Variants in CMC1 observed in about 807,000 individuals in gnomAD.
CMC1 encodes COX assembly mitochondrial protein homolog.
CMC1 carries 14 observed loss-of-function variants against 14.1 expected under a neutral mutation model. The observed-to-expected ratio is 0.99, with a 90% CI of 0.66 to 1.55. The LOEUF (loss-of-function observed/expected upper bound fraction) is 1.55, where lower values mean the gene tolerates loss of function less well. Ranked by LOEUF, CMC1 falls within the 40% of genes most tolerant of loss-of-function variation. CMC1 has a pLI of 0.00. For missense variants in CMC1, 127 were observed against 123.8 expected (o/e 1.03, Z -0.12); for synonymous variants, 50 against 38.4 (o/e 1.30, Z -1.12).
chr3:28,256,529 G>A (rs1199841492), intron 1 of CMC1, among the ~76,000 whole-genome samples: 1 of 152,114 alleles, frequency 6.6e-6, no homozygotes, highest in African/African-American at 2.4e-5. Flanking sequence ...TAACCCAGCC[G>A]AACTGACACA....
intron 2 of CMC1, among the ~76,000 whole-genome samples, chr3:28,290,837 A>G (rs1188460052): frequency 6.6e-6 from 1 of 151,950 alleles, no homozygotes; most frequent in Non-Finnish European, 1.5e-5. Context: ...AAGAGCACAT[A>G]TTTATTAATC....
chr3:28,274,210 TTGTTTTTTTC>T (rs969483846), intron 2 of CMC1, among the ~76,000 whole-genome samples: 4 of 130,184 alleles, frequency 3.1e-5, no homozygotes, highest in East Asian at 2.4e-4. Context: ...TAAAGTGTTT[TTGTTTTTTTC>T]TTTTTTTTTT....
chr3:28,276,395 T>A (rs529409292), intron 2 of CMC1, among the ~76,000 whole-genome samples: 1 of 152,318 alleles, frequency 6.6e-6, no homozygotes, highest in African/African-American at 2.4e-5. Flanking sequence ...ATGTGAAGAA[T>A]TACGTATCTT....
chr3:28,276,182 C>A (rs1018640015), intron 2 of CMC1, among the ~76,000 whole-genome samples: 1 of 152,120 alleles, frequency 6.6e-6, no homozygotes, highest in Non-Finnish European at 1.5e-5. Flanking sequence ...TTGCCCTTTT[C>A]ATTCTTGGTG....
chr3:28,286,947 A>C (rs1353004990), intron 2 of CMC1, among the ~76,000 whole-genome samples: 3 of 152,216 alleles, frequency 2.0e-5, no homozygotes, highest in African/African-American at 7.2e-5. Context: ...AAAGAGAAGA[A>C]TATATCCCAG....
intron 1 of CMC1, among the ~76,000 whole-genome samples, chr3:28,256,222 T>C (rs776783550): frequency 3.3e-5 from 5 of 151,966 alleles, no homozygotes; most frequent in African/African-American, 4.8e-5. Flanking sequence ...TATATATGTA[T>C]ACGTGTCAAG....
At chr3:28,297,550 T>C (rs1400981899) in intron 2 of CMC1, among the ~76,000 whole-genome samples, 2 of 152,036 alleles carry the variant, frequency 1.3e-5, no homozygotes, top group African/African-American at 4.8e-5. Context: ...TAACCACAAG[T>C]GTATAATTAT....
intron 2 of CMC1, among the ~76,000 whole-genome samples, chr3:28,300,205 AAGCC>A (rs1701953784): frequency 1.3e-5 from 2 of 152,176 alleles, no homozygotes; most frequent in African/African-American, 4.8e-5. Flanking sequence ...AATTAAAAGA[AAGCC>A]AGTAGTGTGA....
intron 1 of CMC1, among the ~76,000 whole-genome samples, chr3:28,243,228 G>T (rs1355209455): frequency 6.6e-6 from 1 of 151,964 alleles, no homozygotes; most frequent in Non-Finnish European, 1.5e-5. Context: ...GCTAATTTTT[G>T]TATTTTTAGT....
chr3:28,271,450 A>G (rs547646910), intron 2 of CMC1, among the ~76,000 whole-genome samples: 10 of 152,270 alleles, frequency 6.6e-5, no homozygotes, highest in Admixed American at 4.6e-4. Flanking sequence ...ACCATTTATT[A>G]AATAGGGAAT....
In CMC1 at chr3:28,294,297, A is replaced by G. The variant is rs973353839; in HGVS notation, c.110-22036A>G. ...AAATTTACCCCCCCTTGATATGAAA[A>G]AATTTTTTATAATTGCTTTATTTTC... On this transcript the variant is annotated intron_variant, in intron 2 of 3. Transcript: ENST00000466830. The G allele has an allele frequency of 2.6e-5, 4 of 156,692 alleles. No homozygotes were observed. In the Admixed American group the frequency reaches 2.6e-4, roughly 10 times the overall value. The allele number at this position is 156,692 out of a possible 1,614,324, so 9.7% of individuals were successfully genotyped here.
intron 2 of CMC1, among the ~76,000 whole-genome samples, chr3:28,265,742 T>C (rs991480545): frequency 1.3e-5 from 2 of 152,130 alleles, no homozygotes; most frequent in African/African-American, 2.4e-5. Context: ...TCACTTTCAA[T>C]GAAAGAAAGA....
intron 1 of CMC1, among the ~76,000 whole-genome samples, chr3:28,249,811 AT>A (rs35965103): frequency 0.22 from 32,862 of 151,890 alleles, 3,716 homozygotes; most frequent in Middle Eastern, 0.28. Flanking sequence ...ATGTACATTA[AT>A]TTTTTTTACT....
At chr3:28,297,853 C>T (rs921056656) in intron 2 of CMC1, among the ~76,000 whole-genome samples, 7 of 151,948 alleles carry the variant, frequency 4.6e-5, no homozygotes, top group African/African-American at 1.7e-4. Context: ...TGGTTCATTA[C>T]AGTTTTTGTG....
At chr3:28,242,576 G>A (rs28674066) in intron 1 of CMC1, among the ~76,000 whole-genome samples, 2 of 152,196 alleles carry the variant, frequency 1.3e-5, no homozygotes, top group Non-Finnish European at 2.9e-5. Flanking sequence ...CCTTCAAGGA[G>A]CATGGAAAAT....
At chr3:28,317,120 G>C (rs1702964230) in intron 3 of CMC1, 2 of 152,008 alleles carry the variant, frequency 1.3e-5, no homozygotes, top group East Asian at 3.9e-4. Context: ...AATTTCTGTA[G>C]CCTGTGCAGC....
chr3:28,266,668 A>G (rs1430567373), intron 2 of CMC1, among the ~76,000 whole-genome samples: 1 of 152,260 alleles, frequency 6.6e-6, no homozygotes, highest in East Asian at 1.9e-4. Flanking sequence ...AGAGAAGAAT[A>G]GTGCTTAGCA....
At chr3:28,277,570 A>G (rs549497331) in intron 2 of CMC1, among the ~76,000 whole-genome samples, 24 of 152,308 alleles carry the variant, frequency 1.6e-4, no homozygotes, top group African/African-American at 5.8e-4. Flanking sequence ...AATTTTGATA[A>G]GGTCAGTGGG....
intron 1 of CMC1, among the ~76,000 whole-genome samples, chr3:28,258,060 T>TTATATATATATATATATATATA (rs56153777): frequency 1.8e-3 from 242 of 135,330 alleles, no homozygotes; most frequent in African/African-American, 6.3e-3. Context: ...TTGAGCACCT[T>TTATATATATATATATATATATA]TATATATATA....
Sources: allele counts gnomAD v4.1 joint callset (sites outside exome capture counted in the v4.1 genomes callset), GRCh38; gene constraint gnomAD v4.1.1; transcripts MANE v1.5; gene names NCBI Gene and HGNC (gene_info 2026-07-23, HGNC 2026-07-21).